Variants in SF3B1 observed in about 807,000 individuals in gnomAD.
SF3B1 encodes the protein splicing factor 3b subunit 1.
SF3B1 carries 12 observed loss-of-function variants against 153.8 expected under a neutral mutation model. That is an observed-to-expected ratio of 0.08 (90% CI 0.05 to 0.13). SF3B1 has a LOEUF of 0.13. Among genes scored for constraint, SF3B1 ranks in the 10% least tolerant of loss-of-function variants. The pLI is 1.00. For synonymous variants in SF3B1, 498 were observed against 525.2 expected, an observed-to-expected ratio of 0.95 and a Z score of 0.71; for missense variants, 513 against 1,606.1, an observed-to-expected ratio of 0.32 and a Z score of 11.63.
At position 197,411,700 on chromosome 2, in the gene SF3B1, G is replaced by C. The variant is rs533695880; in HGVS notation, c.667-1693C>G. Reference sequence around the variant, plus strand: ...AAAAAAAAGAAAAAAAGTTGGGAAAGTTGGGAGCTCTTATAGACACAAGGA... The same window carrying C: ...AAAAAAAAGAAAAAAAGTTGGGAAACTTGGGAGCTCTTATAGACACAAGGA... On this transcript the variant is annotated intron_variant, in intron 6 of 24. Coordinates refer to ENST00000335508, the MANE Select transcript of SF3B1 (RefSeq NM_012433.4). Among the ~76,000 whole-genome samples the C allele has an allele frequency of 2.5e-4, 38 of 151,842 alleles. 2 individuals carry two copies. In the South Asian group the frequency reaches 7.7e-3, roughly 31 times the overall value.
chr2:197,392,861 G>A, intron 24 of SF3B1, 111 bp downstream of exon 24: 1 of 659,430 alleles, frequency 1.5e-6, no homozygotes, highest in South Asian at 1.9e-5. Flanking sequence ...AACCACCATG[G>A]CACATATATA....
intron 6 of SF3B1, among the ~76,000 whole-genome samples, chr2:197,415,824 A>G (rs1047903565): frequency 1.3e-5 from 2 of 152,106 alleles, no homozygotes; most frequent in Non-Finnish European, 2.9e-5. Flanking sequence ...TTTTTGAGAC[A>G]GGGTCTTACT....
At position 197,398,998 on chromosome 2, in the gene SF3B1, G is replaced by A. The variant is rs116097086; in HGVS notation, c.3014-417C>T. On this transcript the variant is annotated intron_variant, in intron 20 of 24. Coordinates refer to ENST00000335508, the MANE Select transcript of SF3B1 (RefSeq NM_012433.4). ...TAACTGCAAAACAAACAGATCTCCA[G>A]TCTCCCTGCAATGCAGGGCATACTT... is the stretch of plus-strand genomic sequence containing the variant. The A allele has an allele frequency of 1.2e-3, 1,452 of 1,215,452 alleles. 15 individuals are homozygous for A. The African/African-American group carries it at 0.02, about 17-fold the overall frequency. The allele number at this position is 1,215,452 out of a possible 1,614,324, so 75.3% of individuals were successfully genotyped here.
chr2:197,416,685 G>C lies in SF3B1; in HGVS notation c.666+56C>G. On this transcript the variant is annotated intron_variant, in intron 6 of 24. Coordinates refer to ENST00000335508, the MANE Select transcript of SF3B1 (RefSeq NM_012433.4). Reference sequence around the variant, plus strand: ...ATGGCAACCCAAGCAGACTAATACAGTCCATAACAGAAAAAAATTTTTTAA... The same window carrying C: ...ATGGCAACCCAAGCAGACTAATACACTCCATAACAGAAAAAAATTTTTTAA... 4 of 1,504,504 alleles carry C rather than the reference G, an allele frequency of 2.7e-6. No individual in the cohort carries two copies. In the South Asian group the frequency reaches 3.6e-5, roughly 14 times the overall value. The allele number at this position is 1,504,504 out of a possible 1,614,324, so 93.2% of individuals were successfully genotyped here. A position where few individuals can be genotyped will look rare whatever the true frequency, so the allele number is the denominator to read the frequency against.
At chr2:197,396,351 CA>C in intron 22 of SF3B1, 23 bp from the exon 23 acceptor site, 1 of 1,583,244 alleles carries the variant, frequency 6.3e-7, no homozygotes, top group Non-Finnish European at 8.6e-7. Context: ...AATGGGTCAA[CA>C]AGCTGTTACA....
chr2:197,395,822 TAAGAA>T (rs762981612), intron 23 of SF3B1, among the ~76,000 whole-genome samples: 4 of 152,160 alleles, frequency 2.6e-5, no homozygotes, highest in Non-Finnish European at 5.9e-5. Flanking sequence ...ATTCAATAGA[TAAGAA>T]AAGAGATTTA....
chr2:197,399,950 C>A, intron 20 of SF3B1, 105 bp downstream of exon 20: 1 of 757,656 alleles, frequency 1.3e-6, no homozygotes, highest in East Asian at 2.7e-5. Context: ...TTTTAAAAAG[C>A]TAACAAAAAC....
In SF3B1 at chr2:197,420,590, A is replaced by C. The variant is rs775467843; in HGVS notation, c.301-48T>G. ...TAATATCCACTTTATTAAAATAACAAAACAGAATATCATAAACAAAAATCA... is the reference window on the plus strand; with the variant it reads ...TAATATCCACTTTATTAAAATAACACAACAGAATATCATAAACAAAAATCA... On this transcript the variant is annotated intron_variant, in intron 3 of 24. Transcript: ENST00000335508. 3.2e-5 allele frequency: 41 copies of C among 1,267,644 alleles called. 1 individual carries two copies. The highest frequency in any genetic ancestry group is 4.5e-5 in the Non-Finnish European group (40 of 893,532). 78.5% of individuals were successfully genotyped at this position (1,267,644 alleles called of 1,614,324 possible).
At position 197,401,008 on chromosome 2, in the gene SF3B1, C is replaced by T; in HGVS notation, c.2497-72G>A. The T allele has an allele frequency of 1.1e-6, 1 of 870,072 alleles. No homozygotes were observed. The allele number at this position is 870,072 out of a possible 1,614,324, so 53.9% of individuals were successfully genotyped here. On this transcript the variant is annotated intron_variant, in intron 17 of 24. Transcript: ENST00000335508. The surrounding 1 kb of genome is among the most constrained non-coding windows in gnomAD (Gnocchi z 4.2). ...GGAAATAAAGCAACATCATGAAAAC[C>T]AAATACTCTAAATATACTACTTATT...
intron 1 of SF3B1, among the ~76,000 whole-genome samples, chr2:197,425,252 G>A (rs2085315534): frequency 6.6e-6 from 1 of 152,186 alleles, no homozygotes; most frequent in African/African-American, 2.4e-5. Flanking sequence ...GATCACCTGA[G>A]GTCAGGAGTT....
rs1215685383 is a variant in SF3B1 at position 197,401,879 on chromosome 2, C to G, written c.2233G>C (p.Ala745Pro). Residue 745 changes from alanine to proline, a missense_variant, in exon 16 of 25, where the codon GCT becomes CCT. Coordinates refer to ENST00000335508, the MANE Select transcript of SF3B1 (RefSeq NM_012433.4). The surrounding 1 kb of genome is among the most constrained non-coding windows in gnomAD (Gnocchi z 4.2). The part of the protein sequence containing the change: ...IRQHRGKGLA[A>P]FLKAIGYLIP... ...AGATACCCAATAGCCTTCAAGAAAG[C>G]AGCCAAACCCTATTTTTAAATAAAA... 1 of 1,590,326 alleles carries G rather than the reference C, an allele frequency of 6.3e-7. No homozygotes were observed. The highest frequency in any genetic ancestry group is 8.5e-7 in the Non-Finnish European group (1 of 1,173,566).
At chr2:197,393,495 C>T (rs765056043) in intron 23 of SF3B1, 36 of 319,286 alleles carry the variant, frequency 1.1e-4, no homozygotes, top group Admixed American at 6.1e-4. Context: ...CTCTGTCACC[C>T]AGACTGGAGT....
intron 3 of SF3B1, 39 bp downstream of exon 3, chr2:197,420,990 T>A: frequency 1.5e-6 from 2 of 1,308,586 alleles, no homozygotes; most frequent in Non-Finnish European, 2.2e-6. Context: ...TTCACTTTTC[T>A]TTAGCTGAAT....
rs985768097 is a variant in SF3B1, at chr2:197,401,069, C to T, written c.2497-133G>A. 36 of 637,658 alleles carry T rather than the reference C, an allele frequency of 5.6e-5. No individual in the cohort carries two copies. The Admixed American group carries it at 1.0e-3, about 19-fold the overall frequency. 39.5% of individuals were successfully genotyped at this position (637,658 alleles called of 1,614,324 possible). On this transcript the variant is annotated intron_variant, in intron 17 of 24. Coordinates refer to ENST00000335508, the MANE Select transcript of SF3B1 (RefSeq NM_012433.4). This position sits in a 1 kb window ranked among gnomAD's most constrained non-coding sequence, Gnocchi z 4.2. ...ACATGGTAAGAATGATTCATTGCTACTTATTAAAGTTGAAGAGAAAAGTGA... is the reference window on the plus strand; with the variant it reads ...ACATGGTAAGAATGATTCATTGCTATTTATTAAAGTTGAAGAGAAAAGTGA...
intron 23 of SF3B1, among the ~76,000 whole-genome samples, chr2:197,394,915 T>G (rs1171687843): frequency 6.6e-6 from 1 of 151,188 alleles, no homozygotes; most frequent in African/African-American, 2.4e-5. Context: ...AAAAAAAAAA[T>G]GAGTTTCCAC....
chr2:197,394,431 TAACTCAATTTGGGGAGAGG>T (rs1436830209), intron 23 of SF3B1, among the ~76,000 whole-genome samples: 1 of 152,198 alleles, frequency 6.6e-6, no homozygotes, highest in African/African-American at 2.4e-5. Flanking sequence ...TTTCATTCAA[TAACTCAATTTGGGGAGAGG>T]AACAAAAGAT....
chr2:197,392,948 T>C, intron 24 of SF3B1, 24 bp downstream of exon 24: 1 of 1,426,558 alleles, frequency 7.0e-7, no homozygotes, highest in Non-Finnish European at 9.7e-7. Flanking sequence ...AAATCACCGA[T>C]TAAAAAAAAA....
At position 197,390,193 on chromosome 2, in the gene SF3B1, A is replaced by ATCAGTAAAAAAAGTTAATTAAGGTG. The variant is rs1376515197; in HGVS notation, c.*2085_*2109dup. On this transcript the variant is annotated 3_prime_UTR_variant, in exon 25 of 25. Transcript: ENST00000335508. ...TCCTCTCTATCCTCAAATTATTTGC[A>ATCAGTAAAAAAAGTTAATTAAGGTG]TCAGTAAAAAAAGTTAATTAAGGTG... 4 of 152,180 alleles carry ATCAGTAAAAAAAGTTAATTAAGGTG rather than the reference A, an allele frequency of 2.6e-5. No individual in the cohort carries two copies. The highest frequency in any genetic ancestry group is 9.7e-5 in the African/African-American group (4 of 41,430). 9.4% of individuals were successfully genotyped at this position (152,180 alleles called of 1,614,324 possible). A position where few individuals can be genotyped will look rare whatever the true frequency, so the allele number is the denominator to read the frequency against.
chr2:197,425,032 G>A (rs1260367800), intron 1 of SF3B1, among the ~76,000 whole-genome samples: 3 of 152,162 alleles, frequency 2.0e-5, no homozygotes, highest in East Asian at 3.9e-4. Flanking sequence ...AATGGCGCAC[G>A]CCTCTAGTCC....
Sources: allele counts gnomAD v4.1 joint callset (sites outside exome capture counted in the v4.1 genomes callset), GRCh38; gene constraint gnomAD v4.1.1; non-coding constraint Gnocchi (gnomAD v3.1); transcripts MANE v1.5; gene names NCBI Gene and HGNC (gene_info 2026-07-23, HGNC 2026-07-21).